The following CACNA1D variants were observed in gnomAD, a reference collection of about 807,000 sequenced individuals.
The protein encoded by CACNA1D is calcium voltage-gated channel subunit alpha1 D.
CACNA1D carries 55 observed loss-of-function variants against 257.1 expected under a neutral mutation model. The observed-to-expected ratio is 0.21, with a 90% CI of 0.17 to 0.27. CACNA1D has a LOEUF of 0.27. CACNA1D is among the 10% of genes least tolerant of loss of function. CACNA1D has a pLI of 1.00. For synonymous variants in CACNA1D, 980 were observed against 1,014.9 expected, an observed-to-expected ratio of 0.97 and a Z score of 0.65; for missense variants, 1,876 against 2,784.0, an observed-to-expected ratio of 0.67 and a Z score of 7.34.
Position 53,723,458 on chromosome 3 carries a change from C to T in CACNA1D, c.1691C>T (p.Ala564Val). ...IQDIANKVLLALFTCEMLVKM... is the reference protein window; with the variant it reads ...IQDIANKVLLVLFTCEMLVKM... ...GATATTGCCAACAAAGTCCTCTTGG[C>T]TCTGTTCACCTGCGAGATGCTGGTA... Residue 564 changes from alanine to valine, a missense_variant, in exon 13 of 48, where the codon GCT (alanine) becomes GTT (valine). Ala to Val is a moderately conservative substitution (Grantham distance 64, BLOSUM62 0). Around this residue, in one of 10 missense-constraint regions of CACNA1D, gnomAD observed 257 missense variants for 399.7 expected, o/e 0.64. Coordinates refer to ENST00000350061, the MANE Select transcript of CACNA1D (RefSeq NM_001128840.3). The surrounding 1 kb of genome is among the most constrained non-coding windows in gnomAD (Gnocchi z 5.6). 6.2e-7 allele frequency: 1 copy of T among 1,614,098 alleles called. No individual in the cohort carries two copies. The highest frequency in any genetic ancestry group is 8.5e-7 in the Non-Finnish European group (1 of 1,179,964).
chr3:53,615,845 G>C (rs945470271), intron 3 of CACNA1D, among the ~76,000 whole-genome samples: 1 of 152,222 alleles, frequency 6.6e-6, no homozygotes, highest in African/African-American at 2.4e-5. Flanking sequence ...AGCCACTTCT[G>C]GGTGACAAGG....
At chr3:53,576,189 C>CT (rs2093035033) in intron 3 of CACNA1D, among the ~76,000 whole-genome samples, 2 of 152,162 alleles carry the variant, frequency 1.3e-5, no homozygotes, top group Non-Finnish European at 2.9e-5. Flanking sequence ...ACGTTACCGT[C>CT]TGTTTCCATC....
rs760086264 is a variant in CACNA1D, at chr3:53,732,888, G to A, written c.2547G>A (p.Ser849=). 1.2e-6 allele frequency: 2 copies of A among 1,613,974 alleles called. No homozygotes were observed. Among genetic ancestry groups the A allele is most frequent in the Non-Finnish European group, 1.7e-6 (2 of 1,179,880 alleles). The change falls in exon 19 of 48, where the codon TCG becomes TCA. Residue 849 remains serine, a synonymous_variant. Transcript: ENST00000350061. Reference sequence around the variant, plus strand: ...CCGGACCCCGTCCTCGAAGGATCTCGGAGTTGAACATGAAGGAAAAAATTG... The same window carrying A: ...CCGGACCCCGTCCTCGAAGGATCTCAGAGTTGAACATGAAGGAAAAAATTG... The part of the protein sequence containing the change: ...VPAGPRPRRI[S]ELNMKEKIAP...
At chr3:53,762,128 G>T in intron 30 of CACNA1D, 47 bp downstream of exon 30, 1 of 1,157,934 alleles carries the variant, frequency 8.6e-7, no homozygotes, top group Non-Finnish European at 1.3e-6. Context: ...TCTCTCCTCT[G>T]TCTGTGCATA....
chr3:53,738,831 C>T (rs889574345), intron 20 of CACNA1D, among the ~76,000 whole-genome samples: 2 of 151,768 alleles, frequency 1.3e-5, no homozygotes, highest in African/African-American at 2.4e-5. Context: ...TCAGCCCTGG[C>T]GCCAGGTTGC....
intron 3 of CACNA1D, among the ~76,000 whole-genome samples, chr3:53,511,710 TAG>T (rs1435863707): frequency 2.0e-5 from 3 of 151,950 alleles, no homozygotes; most frequent in Non-Finnish European, 4.4e-5. Context: ...GAAAAAAGAG[TAG>T]TTTAACATAG....
intron 3 of CACNA1D, among the ~76,000 whole-genome samples, chr3:53,520,849 CCTTTCTTTCTTTCTTTCTTTCTTT>C (rs71074924): frequency 2.3e-5 from 3 of 133,000 alleles, no homozygotes; most frequent in East Asian, 2.1e-4. Context: ...TTTGCAAACT[CCTTTCTTTCTTTCTTTCTTTCTTT>C]CTTTCTTTCT....
Position 53,673,957 on chromosome 3 carries a change from CTG to C in CACNA1D, c.1220+834_1220+835del. On this transcript the variant is annotated intron_variant, in intron 8 of 47. Transcript: ENST00000350061. This position sits in a 1 kb window ranked among gnomAD's most constrained non-coding sequence, Gnocchi z 4.1. ...CTCAGTGTGTTGCTTTTGGATTGAACTGTGATTCTTTCTGCCTGTATCTGTCT... is the reference window on the plus strand; with the variant it reads ...CTCAGTGTGTTGCTTTTGGATTGAACTGATTCTTTCTGCCTGTATCTGTCT... 1 of 720,760 alleles carries C rather than the reference CTG, an allele frequency of 1.4e-6. No individual in the cohort carries two copies. Among genetic ancestry groups the C allele is most frequent in the South Asian group, 1.5e-5 (1 of 68,486 alleles). 44.6% of individuals were successfully genotyped at this position (720,760 alleles called of 1,614,324 possible). A position where few individuals can be genotyped will look rare whatever the true frequency, so the allele number is the denominator to read the frequency against.
chr3:53,799,646 G>A (rs777955626), intron 40 of CACNA1D, among the ~76,000 whole-genome samples: 4 of 152,352 alleles, frequency 2.6e-5, no homozygotes, highest in South Asian at 2.1e-4. Context: ...CACGGTGGCC[G>A]GGTCGGTGTG....
chr3:53,560,866 C>T (rs997917230), intron 3 of CACNA1D, among the ~76,000 whole-genome samples: 13 of 152,308 alleles, frequency 8.5e-5, no homozygotes, highest in Non-Finnish European at 1.3e-4. Context: ...CCCTGATCAA[C>T]AACTCCTCTT....
chr3:53,533,547 G>A (rs554831228), intron 3 of CACNA1D, among the ~76,000 whole-genome samples: 1 of 152,346 alleles, frequency 6.6e-6, no homozygotes, highest in African/African-American at 2.4e-5. Context: ...TGATAGAACA[G>A]TGCTGGTGGG....
intron 3 of CACNA1D, among the ~76,000 whole-genome samples, chr3:53,535,663 T>C (rs1166745444): frequency 6.6e-6 from 1 of 152,176 alleles, no homozygotes; most frequent in Non-Finnish European, 1.5e-5. Context: ...CCCAGACTAG[T>C]GGGAAGTAGA....
At chr3:53,750,903 G>A (rs970993643) in intron 27 of CACNA1D, among the ~76,000 whole-genome samples, 2 of 152,224 alleles carry the variant, frequency 1.3e-5, no homozygotes, top group African/African-American at 4.8e-5. Context: ...GCTGCAGAGG[G>A]TGGACCAGCC....
intron 3 of CACNA1D, among the ~76,000 whole-genome samples, chr3:53,583,621 G>A (rs2093167364): frequency 6.6e-6 from 1 of 152,112 alleles, no homozygotes; most frequent in Non-Finnish European, 1.5e-5. Flanking sequence ...CCACGAGGTG[G>A]GACTCTCCTC....
intron 3 of CACNA1D, among the ~76,000 whole-genome samples, chr3:53,555,355 C>G (rs959346717): frequency 6.6e-6 from 1 of 151,776 alleles, no homozygotes; most frequent in Non-Finnish European, 1.5e-5. Context: ...GGGCTTTGCC[C>G]GTGGAGTTCA....
chr3:53,670,305 A>G (rs1010425662), intron 7 of CACNA1D, among the ~76,000 whole-genome samples: 5 of 152,224 alleles, frequency 3.3e-5, no homozygotes, highest in Admixed American at 2.0e-4. Flanking sequence ...GCATTGGTCT[A>G]TAACTTGAGA....
intron 3 of CACNA1D, among the ~76,000 whole-genome samples, chr3:53,605,498 A>G (rs1007584255): frequency 1.3e-5 from 2 of 152,206 alleles, no homozygotes; most frequent in African/African-American, 2.4e-5. Context: ...AGTGCATTTG[A>G]CATTTTACAG....
rs558279191 is a variant in CACNA1D, at chr3:53,698,821, T to C, written c.1221-3820T>C. 1.7e-3 allele frequency among the ~76,000 whole-genome samples: 256 copies of C among 151,032 alleles called. 1 individual carries two copies. The highest frequency in any genetic ancestry group is 6.0e-3 in the African/African-American group (246 of 40,928). On this transcript the variant is annotated intron_variant, in intron 8 of 47. Transcript: ENST00000350061. ...CACTTTATTGCTTTTTTTTTTTTTT[T>C]CATCCAGGCACTTCTTATTTATCTT...
chr3:53,747,548 C>A, intron 26 of CACNA1D, 100 bp downstream of exon 26: 1 of 1,255,014 alleles, frequency 8.0e-7, no homozygotes, highest in Non-Finnish European at 1.2e-6. Flanking sequence ...TCCAGTGTCG[C>A]AGGATTGCCC....
Sources: gnomAD v4.1 joint callset for allele counts (sites outside exome capture counted in the v4.1 genomes callset) on GRCh38, gnomAD v4.1.1 for gene constraint, gnomAD v4.1.1 regional missense constraint, Gnocchi (gnomAD v3.1) non-coding constraint, MANE v1.5 for transcripts, NCBI Gene and HGNC (gene_info 2026-07-23, HGNC 2026-07-21) for gene names.